DNAH12: variants seen among roughly 807,000 people sequenced by gnomAD.
DNAH12 encodes axonemal beta dynein heavy chain 12.
A neutral mutation model predicts 371.5 loss-of-function variants in DNAH12; 285 were observed. That is an observed-to-expected ratio of 0.77 (90% CI 0.70 to 0.85). The LOEUF (loss-of-function observed/expected upper bound fraction) is 0.85. DNAH12 is among the 40% of genes least tolerant of loss of function. The pLI, the probability that DNAH12 is intolerant of heterozygous loss-of-function variation, is 0.00. For missense variants in DNAH12, 3,611 were observed against 3,689.4 expected, an observed-to-expected ratio of 0.98 and a Z score of 0.55; for synonymous variants, 1,200 against 1,213.0, an observed-to-expected ratio of 0.99 and a Z score of 0.22.
chr3:57,421,902 CTTTT>C (rs368757579), intron 35 of DNAH12, among the ~76,000 whole-genome samples, 196 bp from the exon 36 acceptor site: 9 of 98,520 alleles, frequency 9.1e-5, no homozygotes, highest in Middle Eastern at 0.01. Flanking sequence ...GTTTGCATGT[CTTTT>C]TTTTTTTTTT....
the DNAH12 span, among the ~76,000 whole-genome samples, chr3:57,552,020 A>C: frequency 6.7e-6 from 1 of 150,340 alleles, no homozygotes; most frequent in Non-Finnish European, 1.5e-5. Context: ...TGAGGTGGGC[A>C]TATCATGAGG....
At chr3:57,394,084 A>G (rs1403791323) in intron 44 of DNAH12, 87 bp downstream of exon 44, 2 of 152,196 alleles carry the variant, frequency 1.3e-5, no homozygotes, top group African/African-American at 4.8e-5. Context: ...TCATATGTAC[A>G]AACTATATTT....
intron 38 of DNAH12, 79 bp downstream of exon 38, chr3:57,415,347 T>C: frequency 6.7e-7 from 1 of 1,483,322 alleles, no homozygotes; most frequent in South Asian, 1.3e-5. Flanking sequence ...CAGTTGCTTA[T>C]TTAATGTACA....
Position 57,452,940 on chromosome 3 carries a change from C to T in DNAH12, c.3689G>A (p.Arg1230His), listed in dbSNP as rs749738998. The change falls in exon 25 of 74, where the codon CGT (arginine) becomes CAT (histidine). Residue 1230 changes from arginine (R) to histidine (H), a missense_variant. Arg to His is a conservative substitution (Grantham distance 29). Coordinates refer to ENST00000495027, the MANE Select transcript of DNAH12 (RefSeq NM_001366028.2). ...YYWENENARV[R>H]IINCNVKYAY... The stretch of plus-strand genomic sequence containing the variant: ...ATATTTTACATTGCAATTAATGATA[C>T]GAACTCGGGCATTCTCATTTTCCCA... The T allele has an allele frequency of 1.4e-5, 22 of 1,551,110 alleles. No homozygotes were observed. In the South Asian group the frequency reaches 1.5e-4, roughly 11 times the overall value.
rs2063632812 is a variant in DNAH12 at position 57,391,957 on chromosome 3, G to T, written c.7220C>A (p.Ala2407Asp). ...RCKDNLHVVV[A>D]FSPIGDAFRN... ...AAAGGCATCTCCAATGGGGCTAAAG[G>T]CCACCACGACATGAAGATTATCTTT... Residue 2407 changes from alanine to aspartate, a missense_variant, in exon 45 of 74, where the codon GCC becomes GAC. Transcript: ENST00000495027. The T allele has an allele frequency of 6.6e-6, 1 of 152,458 alleles. No homozygotes were observed. The highest frequency in any genetic ancestry group is 1.5e-5 in the Non-Finnish European group (1 of 68,058). The allele number at this position is 152,458 out of a possible 1,614,324, so 9.4% of individuals were successfully genotyped here. A position where few individuals can be genotyped will look rare whatever the true frequency, so the allele number is the denominator to read the frequency against.
At chr3:57,426,196 G>A (rs2064762814) in intron 34 of DNAH12, among the ~76,000 whole-genome samples, 1 of 152,170 alleles carries the variant, frequency 6.6e-6, no homozygotes, top group Non-Finnish European at 1.5e-5. Flanking sequence ...TGAAAATAGG[G>A]TATGAAGGAG....
chr3:57,486,595 A>G (rs1575670791), intron 12 of DNAH12, among the ~76,000 whole-genome samples: 1 of 152,206 alleles, frequency 6.6e-6, no homozygotes, highest in Non-Finnish European at 1.5e-5. Context: ...ATAGCTGAGT[A>G]CCTACAATAT....
In DNAH12 at chr3:57,486,522, G is replaced by A. The variant is rs117402650; in HGVS notation, c.1514+2987C>T. On this transcript the variant is annotated intron_variant, in intron 12 of 73. Coordinates refer to ENST00000495027, the MANE Select transcript of DNAH12 (RefSeq NM_001366028.2). ...TGTAAAAGAGGTAAATGATTTTTTAGTTCATGCAGGAATTTGGAGAAATAT... is the reference window on the plus strand; with the variant it reads ...TGTAAAAGAGGTAAATGATTTTTTAATTCATGCAGGAATTTGGAGAAATAT... Among the ~76,000 whole-genome samples, 308 of 152,204 alleles carry A rather than the reference G, an allele frequency of 2.0e-3. 10 individuals carry two copies. In the East Asian group the frequency reaches 0.058, roughly 29 times the overall value.
At position 57,542,814 on chromosome 3, in the gene DNAH12, C is replaced by T. The variant is rs749409287; in HGVS notation, c.57G>A (p.Lys19=). 3.1e-6 allele frequency: 5 copies of T among 1,608,164 alleles called. No individual in the cohort carries two copies. In the East Asian group the frequency reaches 8.9e-5, roughly 29 times the overall value. ...CTGGGAGATGGACAATGGGGGGTAA[C>T]TTCAAGTTCAGAGCTTCCTTTTCTG... ...IAAEKEALNL[K]LPPIVHLPEN... The change falls in exon 2 of 74, where the codon AAG becomes AAA. Residue 19 remains lysine (K), a synonymous_variant. Coordinates refer to ENST00000495027, the MANE Select transcript of DNAH12 (RefSeq NM_001366028.2).
In DNAH12 at chr3:57,504,045, A is replaced by G; in HGVS notation, c.1057T>C (p.Leu353=). Residue 353 remains leucine (L), a synonymous_variant, in exon 9 of 74, where the codon TTG becomes CTG. Transcript: ENST00000495027. ...FQDLEDNVLS[L]VERIAEALQN... ...AGAGCTTCGGCTATTCGTTCCACCA[A>G]ACTCAAGACATTATCTTCCAAATCT... 6.2e-7 allele frequency: 1 copy of G among 1,613,508 alleles called. No homozygotes were observed. Among genetic ancestry groups the G allele is most frequent in the Non-Finnish European group, 8.5e-7 (1 of 1,179,612 alleles).
intron 65 of DNAH12, among the ~76,000 whole-genome samples, chr3:57,320,933 AAATGATGAT>A (rs1447069449): frequency 6.6e-6 from 1 of 152,202 alleles, no homozygotes; most frequent in East Asian, 1.9e-4. Context: ...TTCATCACAA[AAATGATGAT>A]ACATGGCAAG....
At chr3:57,524,736 A>G (rs2153398500) in intron 2 of DNAH12, among the ~76,000 whole-genome samples, 1 of 152,260 alleles carries the variant, frequency 6.6e-6, no homozygotes, top group Middle Eastern at 3.4e-3. Flanking sequence ...GTGGAGACAT[A>G]GTTTTCCTGG....
intron 2 of DNAH12, among the ~76,000 whole-genome samples, chr3:57,541,039 C>T (rs1025758632): frequency 6.6e-6 from 1 of 151,742 alleles, no homozygotes; most frequent in African/African-American, 2.4e-5. Context: ...GCATCTCTCC[C>T]CCTCCCTTTT....
At chr3:57,492,964 C>A (rs915508710) in intron 11 of DNAH12, among the ~76,000 whole-genome samples, 1 of 152,172 alleles carries the variant, frequency 6.6e-6, no homozygotes, top group South Asian at 2.1e-4. Flanking sequence ...GGGATGGCAC[C>A]ACTGCACTCC....
rs149662512 is a variant in DNAH12, at chr3:57,318,832, C to CTA, written c.10524+3509_10524+3510dup. Among the ~76,000 whole-genome samples the CTA allele has an allele frequency of 6.5e-3, 990 of 152,008 alleles. 12 individuals are homozygous for CTA. Among genetic ancestry groups the CTA allele is most frequent in the African/African-American group, 0.023 (948 of 41,460 alleles). Reference sequence around the variant, plus strand: ...AGCCTGATTTCAGAGAACAAAGCCTCTAGCTTTGTTTTTTCTCAACATTGG... The same window carrying CTA: ...AGCCTGATTTCAGAGAACAAAGCCTCTATAGCTTTGTTTTTTCTCAACATTGG... On this transcript the variant is annotated intron_variant, in intron 65 of 73. Transcript: ENST00000495027.
intron 62 of DNAH12, among the ~76,000 whole-genome samples, chr3:57,333,539 C>T (rs2062156571): frequency 6.6e-6 from 1 of 151,986 alleles, no homozygotes; most frequent in Non-Finnish European, 1.5e-5. Context: ...CCATCTTGGC[C>T]AGGCTGGTCT....
chr3:57,309,834 G>T lies in DNAH12; in HGVS notation c.10917C>A (p.His3639Gln), dbSNP rs1211990395. The T allele has an allele frequency of 6.5e-7, 1 of 1,545,934 alleles. No individual in the cohort carries two copies. The highest frequency in any genetic ancestry group is 2.0e-5 in the Admixed American group (1 of 49,698). ...EFIKKLPFTQ[H>Q]PEIFGLHENV... is the part of the protein sequence containing the mutation. Reference sequence around the variant, plus strand: ...TTTCATGTAATCCAAATATCTCAGGGTGTTGAGTAAATGGAAGTTTCTACC... The same window carrying T: ...TTTCATGTAATCCAAATATCTCAGGTTGTTGAGTAAATGGAAGTTTCTACC... The change falls in exon 68 of 74, where the codon CAC (histidine) becomes CAA (glutamine). Residue 3639 changes from histidine (H) to glutamine (Q), a missense_variant. Physicochemically the swap from His to Gln is conservative, Grantham distance 24. Around this residue, in one of 3 missense-constraint regions of DNAH12, gnomAD observed 2,266 missense variants for 2,236.9 expected, o/e 1.01. Transcript: ENST00000495027.
intron 62 of DNAH12, among the ~76,000 whole-genome samples, chr3:57,328,973 G>A (rs1083489): frequency 0.98 from 129,115 of 131,232 alleles, 63,542 homozygotes; most frequent in East Asian, 0.99. Flanking sequence ...TGCTTCAAAG[G>A]GAATAAAATA....
intron 6 of DNAH12, 88 bp from the exon 7 acceptor site, chr3:57,508,628 T>A (rs760610251): frequency 6.3e-6 from 9 of 1,437,152 alleles, no homozygotes; most frequent in Non-Finnish European, 8.3e-6. Context: ...AAATTAGTAT[T>A]GAAGTGAGAA....
Sources: allele counts gnomAD v4.1 joint callset (sites outside exome capture counted in the v4.1 genomes callset), GRCh38; gene constraint gnomAD v4.1.1; regional missense constraint gnomAD v4.1.1; transcripts MANE v1.5; gene names NCBI Gene and HGNC (gene_info 2026-07-23, HGNC 2026-07-21).